ARHGEF26: variants seen among roughly 807,000 people sequenced by gnomAD.
ARHGEF26 encodes Rho guanine nucleotide exchange factor 26, also known as Rho guanine nucleotide exchange factor (GEF) 26.
ARHGEF26 carries 59 observed loss-of-function variants against 89.4 expected under a neutral mutation model. The ratio of observed to expected loss-of-function variants is 0.66; its 90% CI spans 0.54 to 0.82. The LOEUF (loss-of-function observed/expected upper bound fraction) is 0.82. Ranked by LOEUF, ARHGEF26 falls within the 40% of genes least tolerant of loss-of-function variation. The pLI is 0.00. For synonymous variants in ARHGEF26, 500 were observed against 428.4 expected, an observed-to-expected ratio of 1.17 and a Z score of -2.06; for missense variants, 1,234 against 1,085.6, an observed-to-expected ratio of 1.14 and a Z score of -1.92.
chr3:154,153,090 G>A (rs1319218512), intron 6 of ARHGEF26, among the ~76,000 whole-genome samples, 158 bp downstream of exon 6: 2 of 152,278 alleles, frequency 1.3e-5, no homozygotes, highest in Non-Finnish European at 2.9e-5. Context: ...TTTCAAGTTT[G>A]GTGAATAGAC....
chr3:154,252,282 G>T (rs1035053908), intron 12 of ARHGEF26, among the ~76,000 whole-genome samples: 2 of 152,144 alleles, frequency 1.3e-5, no homozygotes, highest in Non-Finnish European at 2.9e-5. Context: ...CTTTTGAGAG[G>T]ATTACATGGA....
chr3:154,177,021 G>A (rs1212358368), intron 6 of ARHGEF26, among the ~76,000 whole-genome samples: 3 of 152,050 alleles, frequency 2.0e-5, no homozygotes, highest in African/African-American at 7.2e-5. Context: ...CATTGCAGAA[G>A]GTGTGTGTTT....
intron 4 of ARHGEF26, among the ~76,000 whole-genome samples, chr3:154,146,920 T>C (rs1400197959): frequency 1.3e-5 from 2 of 152,262 alleles, no homozygotes; most frequent in African/African-American, 4.8e-5. Context: ...AATCCAGTTC[T>C]TACTGCTTTG....
At chr3:154,138,898 T>G (rs538200696) in intron 4 of ARHGEF26, among the ~76,000 whole-genome samples, 1 of 152,364 alleles carries the variant, frequency 6.6e-6, no homozygotes, top group African/African-American at 2.4e-5. Context: ...GCGAGACAGA[T>G]GTCAGATATC....
intron 11 of ARHGEF26, among the ~76,000 whole-genome samples, chr3:154,231,330 T>G (rs1400786359): frequency 6.6e-6 from 1 of 152,198 alleles, no homozygotes; most frequent in African/African-American, 2.4e-5. Context: ...CTGTTAAATG[T>G]TGAAAGCTGC....
intron 9 of ARHGEF26, among the ~76,000 whole-genome samples, chr3:154,198,164 A>G (rs1282901144): frequency 6.6e-6 from 1 of 152,226 alleles, no homozygotes; most frequent in Non-Finnish European, 1.5e-5. Context: ...AAGGCAAATT[A>G]AAACCACAAT....
At position 154,122,232 on chromosome 3, in the gene ARHGEF26, C is replaced by T. The variant is rs1026128378; in HGVS notation, c.240C>T (p.Ser80=). Residue 80 remains serine (S), a synonymous_variant, in exon 2 of 15, where the codon AGC becomes AGT. Transcript: ENST00000465093. ...CGGACAGCAGGACGGTACATAGGAG[C>T]CCCCTGCTTCTGGGCGCCCAGCGGA... ...TASDSRTVHR[S]PLLLGAQRRA... 1 of 1,609,986 alleles carries T rather than the reference C, an allele frequency of 6.2e-7. No homozygotes were observed. Among genetic ancestry groups the T allele is most frequent in the Non-Finnish European group, 8.5e-7 (1 of 1,178,534 alleles).
intron 5 of ARHGEF26, among the ~76,000 whole-genome samples, chr3:154,149,848 G>A (rs1719912669): frequency 6.6e-6 from 1 of 151,262 alleles, no homozygotes; most frequent in African/African-American, 2.4e-5. Flanking sequence ...GCTGGATGTA[G>A]CATACAAGGG....
intron 6 of ARHGEF26, among the ~76,000 whole-genome samples, chr3:154,178,799 G>T (rs992344268): frequency 4.6e-5 from 7 of 152,166 alleles, no homozygotes; most frequent in African/African-American, 1.7e-4. Context: ...AGAACTGCCG[G>T]CCTCTTCTTA....
chr3:154,212,091 C>T (rs1474128728), intron 9 of ARHGEF26, among the ~76,000 whole-genome samples: 1 of 152,126 alleles, frequency 6.6e-6, no homozygotes, highest in Non-Finnish European at 1.5e-5. Context: ...ATAATCCCAG[C>T]ACTTTGGGAG....
At chr3:154,251,876 G>GC (rs754149204) in intron 12 of ARHGEF26, among the ~76,000 whole-genome samples, 8 of 152,152 alleles carry the variant, frequency 5.3e-5, no homozygotes, top group Non-Finnish European at 1.0e-4. Flanking sequence ...AATGCCTGGC[G>GC]CATCTGTGTC....
Position 154,213,256 on chromosome 3 carries a change from T to C in ARHGEF26, c.1846-4613T>C, listed in dbSNP as rs575787825. ...GTGTGTGTGTGTATATATATATATA[T>C]GCTTTTGTTCCAGGCCTAATATATA... is the stretch of plus-strand genomic sequence containing the variant. On this transcript the variant is annotated intron_variant, in intron 9 of 14. Coordinates refer to ENST00000465093, the MANE Select transcript of ARHGEF26 (RefSeq NM_015595.4). 3.3e-5 allele frequency among the ~76,000 whole-genome samples: 5 copies of C among 151,010 alleles called. No individual in the cohort carries two copies. In the South Asian group the frequency reaches 1.1e-3, roughly 32 times the overall value.
At chr3:154,128,567 C>T (rs551128332) in intron 3 of ARHGEF26, among the ~76,000 whole-genome samples, 3 of 152,278 alleles carry the variant, frequency 2.0e-5, no homozygotes, top group South Asian at 2.1e-4. Context: ...TGTACTTTCC[C>T]CCCATTTCCT....
At chr3:154,208,614 C>T (rs1389157626) in intron 9 of ARHGEF26, among the ~76,000 whole-genome samples, 4 of 151,932 alleles carry the variant, frequency 2.6e-5, no homozygotes, top group Non-Finnish European at 5.9e-5. Context: ...CTCCTGTAGC[C>T]ATGCTTAATC....
At chr3:154,135,549 C>G (rs894696491) in intron 4 of ARHGEF26, among the ~76,000 whole-genome samples, 3 of 152,124 alleles carry the variant, frequency 2.0e-5, no homozygotes, top group African/African-American at 7.2e-5. Context: ...TGGAGATTAT[C>G]TGGAACTCTA....
At chr3:154,196,960 T>A (rs181329696) in intron 9 of ARHGEF26, among the ~76,000 whole-genome samples, 38 of 152,176 alleles carry the variant, frequency 2.5e-4, no homozygotes, top group Admixed American at 2.2e-3. Context: ...AAACCTGGAA[T>A]GTTACTTAAT....
intron 12 of ARHGEF26, among the ~76,000 whole-genome samples, chr3:154,251,594 G>A (rs1310738080): frequency 6.6e-6 from 1 of 152,206 alleles, no homozygotes; most frequent in Non-Finnish European, 1.5e-5. Flanking sequence ...GTGCAGAGGG[G>A]TGCCCTAGAA....
chr3:154,240,478 G>A lies in ARHGEF26; in HGVS notation c.2199G>A (p.Met733Ile), dbSNP rs1409649362. Residue 733 changes from methionine (M) to isoleucine (I), a missense_variant, in exon 12 of 15, where the codon ATG (methionine) becomes ATA (isoleucine). Coordinates refer to ENST00000465093, the MANE Select transcript of ARHGEF26 (RefSeq NM_015595.4). ...NSSPGKNSST[M>I]LYSRQSSASH... ...CTCCAGGGAAGAACAGCTCCACAATGCTCTATTCAAGACAGAGCTCTGCCA... is the reference window on the plus strand; with the variant it reads ...CTCCAGGGAAGAACAGCTCCACAATACTCTATTCAAGACAGAGCTCTGCCA... The A allele has an allele frequency of 6.2e-7, 1 of 1,613,384 alleles. No homozygotes were observed. Among genetic ancestry groups the A allele is most frequent in the Admixed American group, 1.7e-5 (1 of 59,950 alleles).
intron 6 of ARHGEF26, among the ~76,000 whole-genome samples, chr3:154,183,773 T>C (rs1294785382): frequency 6.6e-6 from 1 of 152,186 alleles, no homozygotes; most frequent in Non-Finnish European, 1.5e-5. Context: ...ATATCGTACT[T>C]TGGCAAACCT....
Sources: allele counts gnomAD v4.1 joint callset (sites outside exome capture counted in the v4.1 genomes callset), GRCh38; gene constraint gnomAD v4.1.1; transcripts MANE v1.5; gene names NCBI Gene and HGNC (gene_info 2026-07-23, HGNC 2026-07-21).